Variants in LRCH3 observed in about 807,000 individuals in gnomAD.
The protein encoded by LRCH3 is leucine rich repeats and calponin homology domain containing 3.
Under a neutral mutation model 104.5 loss-of-function variants are expected in LRCH3, and 68 were observed. That is an observed-to-expected ratio of 0.65 (90% CI 0.54 to 0.80). The LOEUF is 0.80. Among genes scored for constraint, LRCH3 ranks in the 30% least tolerant of loss-of-function variants. LRCH3 has a pLI of 0.00. For synonymous variants in LRCH3, 344 were observed against 361.3 expected (o/e 0.95, Z 0.54); for missense variants, 951 against 953.9 (o/e 1.00, Z 0.04).
chr3:197,803,311 C>T (rs1422219387), intron 1 of LRCH3, among the ~76,000 whole-genome samples: 2 of 152,130 alleles, frequency 1.3e-5, no homozygotes, highest in Admixed American at 6.5e-5. Context: ...CAAGCTGTAG[C>T]ATATTGATTC....
chr3:197,799,132 T>A (rs1452886121), intron 1 of LRCH3, among the ~76,000 whole-genome samples: 2 of 152,202 alleles, frequency 1.3e-5, no homozygotes, highest in Non-Finnish European at 2.9e-5. Flanking sequence ...GTGACAGCAG[T>A]GCTGGGGCTG....
chr3:197,846,398 AAAC>A (rs1738710368), intron 10 of LRCH3, among the ~76,000 whole-genome samples: 1 of 149,814 alleles, frequency 6.7e-6, no homozygotes, highest in East Asian at 1.9e-4. Context: ...AAAAAAAAAA[AAAC>A]AAAAAAAAAA....
In LRCH3 at chr3:197,835,640, TGTGTGTGTGTGG is replaced by T. The variant is rs769782760; in HGVS notation, c.1103-21_1103-10del. 3.2e-5 allele frequency: 49 copies of T among 1,554,576 alleles called. No homozygotes were observed. The African/African-American group carries it at 5.2e-4, about 16-fold the overall frequency. ...AATTTGAATGTTTTTTTCTGGTGTG[TGTGTGTGTGTGG>T]GTGTGTGTGTGGTGTATACAGTGGA... On this transcript the variant is annotated intron_variant, in intron 8 of 20. Transcript: ENST00000425562.
At chr3:197,871,619 G>GGGCCGGGCGCGGTGGCTC in intron 19 of LRCH3, 157 bp downstream of exon 19, 1 of 944,372 alleles carries the variant, frequency 1.1e-6, no homozygotes, top group Non-Finnish European at 1.6e-6. Context: ...AGAAGAAATA[G>GGGCCGGGCGCGGTGGCTC]ACATGTATAC....
chr3:197,821,864 G>T (rs1434158405), intron 4 of LRCH3, among the ~76,000 whole-genome samples: 4 of 152,152 alleles, frequency 2.6e-5, no homozygotes, highest in Non-Finnish European at 5.9e-5. Context: ...AGTAGAGACG[G>T]GGTTTTGCCC....
intron 1 of LRCH3, among the ~76,000 whole-genome samples, chr3:197,804,472 T>C (rs1448779458): frequency 6.6e-6 from 1 of 152,180 alleles, no homozygotes; most frequent in African/African-American, 2.4e-5. Context: ...CCTTCGTATG[T>C]CATCCCAGTA....
chr3:197,817,950 A>G (rs1272373241), intron 3 of LRCH3, among the ~76,000 whole-genome samples: 2 of 152,136 alleles, frequency 1.3e-5, no homozygotes, highest in African/African-American at 4.8e-5. Flanking sequence ...CCTCCTGAGT[A>G]GCTGGGACCA....
At chr3:197,851,446 A>G (rs907617810) in intron 12 of LRCH3, among the ~76,000 whole-genome samples, 1 of 152,240 alleles carries the variant, frequency 6.6e-6, no homozygotes, top group South Asian at 2.1e-4. Flanking sequence ...GGAAATTGCA[A>G]TAGTTAGACT....
At chr3:197,834,914 T>TGAGGC (rs1736493299) in intron 8 of LRCH3, among the ~76,000 whole-genome samples, 1 of 152,104 alleles carries the variant, frequency 6.6e-6, no homozygotes, top group African/African-American at 2.4e-5. Flanking sequence ...GTGGCCACAG[T>TGAGGC]GGGCGGATCG....
At chr3:197,818,469 A>G (rs1734108489) in intron 3 of LRCH3, among the ~76,000 whole-genome samples, 1 of 152,198 alleles carries the variant, frequency 6.6e-6, no homozygotes, top group Admixed American at 6.5e-5. Flanking sequence ...ATACATATGT[A>G]ATATAGTTGG....
chr3:197,865,019 G>C (rs927458329), intron 15 of LRCH3, among the ~76,000 whole-genome samples: 1 of 151,922 alleles, frequency 6.6e-6, no homozygotes, highest in Non-Finnish European at 1.5e-5. Flanking sequence ...GAGAGAGAGG[G>C]AGAGAGAGAG....
intron 1 of LRCH3, among the ~76,000 whole-genome samples, chr3:197,813,651 C>T (rs1053488718): frequency 2.0e-5 from 3 of 151,362 alleles, no homozygotes; most frequent in Non-Finnish European, 2.9e-5. Flanking sequence ...CTGCCTCAGC[C>T]TCCCGAGTAG....
rs1735858800 is a variant in LRCH3, at chr3:197,831,016, A to AT, written c.981+155dup. The AT allele has an allele frequency of 2.9e-5, 18 of 613,512 alleles. No homozygotes were observed. In the South Asian group the frequency reaches 3.7e-4, roughly 13 times the overall value. 38.0% of individuals were successfully genotyped at this position (613,512 alleles called of 1,614,324 possible). On this transcript the variant is annotated intron_variant, in intron 7 of 20. Transcript: ENST00000425562. ...CAAGATTCCCACCCTCTCCAGCAGAATTGGCATTCTGCGTCCTTACCGGCT... is the reference window on the plus strand; with the variant it reads ...CAAGATTCCCACCCTCTCCAGCAGAATTTGGCATTCTGCGTCCTTACCGGCT...
At chr3:197,826,798 A>G in intron 4 of LRCH3, 80 bp from the exon 5 acceptor site, 1 of 1,506,470 alleles carries the variant, frequency 6.6e-7, no homozygotes, top group Non-Finnish European at 9.2e-7. Context: ...TGTTAAAATC[A>G]CATTTAACTA....
At chr3:197,835,001 G>T (rs891314098) in intron 8 of LRCH3, among the ~76,000 whole-genome samples, 1 of 151,894 alleles carries the variant, frequency 6.6e-6, no homozygotes, top group Non-Finnish European at 1.5e-5. Context: ...AAAGTTAGCC[G>T]GGCGTGGTGG....
chr3:197,883,781 T>C lies in LRCH3; in HGVS notation c.*115T>C. 9.3e-7 allele frequency: 1 copy of C among 1,075,424 alleles called. No homozygotes were observed. The highest frequency in any genetic ancestry group is 1.6e-5 in the African/African-American group (1 of 61,598). The allele number at this position is 1,075,424 out of a possible 1,614,324, so 66.6% of individuals were successfully genotyped here. On this transcript the variant is annotated 3_prime_UTR_variant, in exon 21 of 21. Coordinates refer to ENST00000425562, the MANE Select transcript of LRCH3 (RefSeq NM_001365715.1). This position sits in a 1 kb window ranked among gnomAD's most constrained non-coding sequence, Gnocchi z 4.2. ...CTTGTGTGTTCTCAGAAGGGACCGT[T>C]CCCATGATTCCTAACAGGAATATTT...
chr3:197,863,524 G>A (rs1044095563), intron 15 of LRCH3, among the ~76,000 whole-genome samples: 1 of 152,202 alleles, frequency 6.6e-6, no homozygotes, highest in Non-Finnish European at 1.5e-5. Context: ...CTCCCAAAGT[G>A]TTGGGATTAC....
Position 197,880,162 on chromosome 3 carries a change from G to T in LRCH3, c.2209-3379G>T, listed in dbSNP as rs913164768. Among the ~76,000 whole-genome samples the T allele has an allele frequency of 7.3e-5, 11 of 151,594 alleles. No individual in the cohort carries two copies. The East Asian group carries it at 2.1e-3, about 29-fold the overall frequency. On this transcript the variant is annotated intron_variant, in intron 20 of 20. Transcript: ENST00000425562. ...GGGTTTCACCGTGTTAGCCGGGATG[G>T]TCTCGATCTCCTGACCTCGTGATCC...
intron 10 of LRCH3, among the ~76,000 whole-genome samples, chr3:197,842,090 G>T (rs990720525): frequency 5.9e-5 from 9 of 151,976 alleles, no homozygotes; most frequent in African/African-American, 2.2e-4. Context: ...CTCCTGCTTT[G>T]GCCTGCCAAA....
Sources: gnomAD v4.1 joint callset for allele counts (sites outside exome capture counted in the v4.1 genomes callset) on GRCh38, gnomAD v4.1.1 for gene constraint, Gnocchi (gnomAD v3.1) non-coding constraint, MANE v1.5 for transcripts, NCBI Gene and HGNC (gene_info 2026-07-23, HGNC 2026-07-21) for gene names.